GKAP1: variants seen among roughly 807,000 people sequenced by gnomAD.
GKAP1 encodes G kinase-anchoring protein 1.
Under a neutral mutation model 56.7 loss-of-function variants are expected in GKAP1, and 31 were observed. The observed-to-expected ratio is 0.55, with a 90% CI of 0.41 to 0.74. GKAP1 has a LOEUF of 0.74. Ranked by LOEUF, GKAP1 falls within the 30% of genes least tolerant of loss-of-function variation. The pLI is 0.00. For missense variants in GKAP1, 364 were observed against 402.3 expected, an observed-to-expected ratio of 0.90 and a Z score of 0.82; for synonymous variants, 151 against 138.6, an observed-to-expected ratio of 1.09 and a Z score of -0.63.
At chr9:83,812,658 T>TAA (rs199726971) in intron 2 of GKAP1, among the ~76,000 whole-genome samples, 1,460 of 141,268 alleles carry the variant, frequency 0.01, 22 homozygotes, top group African/African-American at 0.037. Context: ...ATATTAGTTC[T>TAA]AAAAAAAAAA....
At chr9:83,781,499 G>A (rs1252291896) in intron 6 of GKAP1, among the ~76,000 whole-genome samples, 3 of 152,166 alleles carry the variant, frequency 2.0e-5, no homozygotes, top group Non-Finnish European at 4.4e-5. Context: ...TTATGACTGA[G>A]AATCTAAAAG....
At chr9:83,786,313 C>T (rs1286411745) in intron 5 of GKAP1, among the ~76,000 whole-genome samples, 4 of 152,086 alleles carry the variant, frequency 2.6e-5, no homozygotes, top group East Asian at 1.9e-4. Flanking sequence ...GAGGCTGAGG[C>T]GGGCGGATCA....
intron 10 of GKAP1, among the ~76,000 whole-genome samples, 167 bp downstream of exon 10, chr9:83,748,142 A>G (rs1331702044): frequency 6.6e-6 from 1 of 152,226 alleles, no homozygotes; most frequent in African/African-American, 2.4e-5. Flanking sequence ...AGGCACTTCA[A>G]ATCTTTTCTT....
intron 4 of GKAP1, among the ~76,000 whole-genome samples, chr9:83,796,554 GCCT>G (rs1019068378): frequency 1.2e-4 from 18 of 151,900 alleles, no homozygotes; most frequent in Admixed American, 9.2e-4. Flanking sequence ...CACAACCTCT[GCCT>G]CCTGGGCTCA....
chr9:83,793,840 TCCATCTATTTG>T lies in GKAP1; in HGVS notation c.361-5173_361-5163del, dbSNP rs1944202207. ...ATATTTAAAATTTTCATTTGAGTCA[TCCATCTATTTG>T]CTCCTAGCTACCTGTCATGAAATCT... On this transcript the variant is annotated intron_variant, in intron 4 of 12. Coordinates refer to ENST00000376371, the MANE Select transcript of GKAP1 (RefSeq NM_025211.4). 2.0e-5 allele frequency among the ~76,000 whole-genome samples: 3 copies of T among 152,314 alleles called. No homozygotes were observed. In the South Asian group the frequency reaches 6.2e-4, roughly 32 times the overall value.
intron 7 of GKAP1, 93 bp downstream of exon 7, chr9:83,780,289 G>T: frequency 2.7e-6 from 2 of 745,474 alleles, no homozygotes; most frequent in African/African-American, 1.8e-5. Context: ...TCCTTTAAAT[G>T]ATTATGTCTC....
At chr9:83,747,168 T>C (rs1213720996) in intron 10 of GKAP1, among the ~76,000 whole-genome samples, 2 of 152,228 alleles carry the variant, frequency 1.3e-5, no homozygotes, top group Non-Finnish European at 2.9e-5. Context: ...AATTAACATA[T>C]ATTTCTTTTT....
intron 4 of GKAP1, among the ~76,000 whole-genome samples, chr9:83,790,233 C>T (rs1199552360): frequency 1.3e-5 from 2 of 152,054 alleles, no homozygotes; most frequent in African/African-American, 4.8e-5. Flanking sequence ...ACTAGAAAAT[C>T]AGATTAAGCC....
chr9:83,772,096 G>A (rs182509854), intron 7 of GKAP1, among the ~76,000 whole-genome samples: 17 of 151,762 alleles, frequency 1.1e-4, no homozygotes, highest in Admixed American at 1.1e-3. Context: ...ACACACACCA[G>A]AAAAAAAGAT....
At chr9:83,770,755 T>C (rs1943744383) in intron 7 of GKAP1, among the ~76,000 whole-genome samples, 1 of 152,164 alleles carries the variant, frequency 6.6e-6, no homozygotes, top group African/African-American at 2.4e-5. Context: ...AGACAGGGTT[T>C]CACCATGTTG....
intron 4 of GKAP1, 78 bp downstream of exon 4, chr9:83,799,107 G>C: frequency 8.2e-7 from 1 of 1,218,062 alleles, no homozygotes; most frequent in Non-Finnish European, 1.2e-6. Flanking sequence ...CAGTGGTGAC[G>C]TGAATTCAGA....
At chr9:83,784,212 A>G (rs1944025640) in intron 6 of GKAP1, among the ~76,000 whole-genome samples, 1 of 151,786 alleles carries the variant, frequency 6.6e-6, no homozygotes, top group Non-Finnish European at 1.5e-5. Flanking sequence ...GGTTACAGTG[A>G]GCCATGACTG....
At chr9:83,744,255 T>G (rs1943254316) in intron 10 of GKAP1, among the ~76,000 whole-genome samples, 1 of 152,334 alleles carries the variant, frequency 6.6e-6, no homozygotes, top group Non-Finnish European at 1.5e-5. Flanking sequence ...AAAACACAAA[T>G]TTGTTTCAAT....
chr9:83,771,903 T>C lies in GKAP1; in HGVS notation c.586-2933A>G, dbSNP rs531001157. Among the ~76,000 whole-genome samples, 4 of 152,248 alleles carry C rather than the reference T, an allele frequency of 2.6e-5. No individual in the cohort carries two copies. The East Asian group carries it at 7.7e-4, about 29-fold the overall frequency. On this transcript the variant is annotated intron_variant, in intron 7 of 12. Transcript: ENST00000376371. Reference sequence around the variant, plus strand: ...TTATAATTCTAGCCAATGTCCCTGCTTGTTGATAGTTGCTCCCATTACCAT... The same window carrying C: ...TTATAATTCTAGCCAATGTCCCTGCCTGTTGATAGTTGCTCCCATTACCAT...
chr9:83,783,625 A>G (rs1339008214), intron 6 of GKAP1, among the ~76,000 whole-genome samples: 1 of 152,206 alleles, frequency 6.6e-6, no homozygotes, highest in Non-Finnish European at 1.5e-5. Flanking sequence ...TTTTCTGGTA[A>G]TAAGTCTCAT....
chr9:83,793,093 A>G (rs1944189529), intron 4 of GKAP1: 1 of 649,550 alleles, frequency 1.5e-6, no homozygotes. Context: ...AGAACCAATG[A>G]AAAACCTAAA....
chr9:83,743,642 TG>T (rs1313195384), intron 10 of GKAP1, among the ~76,000 whole-genome samples: 1 of 152,058 alleles, frequency 6.6e-6, no homozygotes, highest in African/African-American at 2.4e-5. Context: ...GTTGAATTGT[TG>T]GGGGTGGTGA....
At chr9:83,776,325 T>A (rs1318742522) in intron 7 of GKAP1, among the ~76,000 whole-genome samples, 1 of 152,156 alleles carries the variant, frequency 6.6e-6, no homozygotes, top group African/African-American at 2.4e-5. Context: ...AAAACCAGAT[T>A]CTAGGTGAGA....
At chr9:83,800,351 T>G (rs1301395871) in intron 3 of GKAP1, among the ~76,000 whole-genome samples, 7 of 150,688 alleles carry the variant, frequency 4.6e-5, no homozygotes, top group Admixed American at 2.0e-4. Context: ...TGTTTTTTTT[T>G]TTTTTGGCAG....
Sources: allele counts gnomAD v4.1 joint callset (sites outside exome capture counted in the v4.1 genomes callset), GRCh38; gene constraint gnomAD v4.1.1; transcripts MANE v1.5; gene names NCBI Gene and HGNC (gene_info 2026-07-23, HGNC 2026-07-21).